The following PAX7 variants were observed in gnomAD, a reference collection of about 807,000 sequenced individuals.
PAX7 encodes paired box 7.
PAX7 carries 18 observed loss-of-function variants against 50.7 expected under a neutral mutation model. The ratio of observed to expected loss-of-function variants is 0.36; its 90% CI spans 0.25 to 0.53. The LOEUF is 0.53. PAX7 is among the 20% of genes least tolerant of loss of function. The pLI is 0.93. For missense variants in PAX7, 644 were observed against 702.9 expected (o/e 0.92, Z 0.95); for synonymous variants, 310 against 290.4 (o/e 1.07, Z -0.69).
At chr1:18,644,194 C>A (rs2088303913) in intron 4 of PAX7, among the ~76,000 whole-genome samples, 1 of 152,198 alleles carries the variant, frequency 6.6e-6, no homozygotes, top group Non-Finnish European at 1.5e-5. Context: ...CACCCACCAG[C>A]CCCCCGCGGC....
rs960571292 is a variant in PAX7 at position 18,748,089 on chromosome 1, G to C, written c.*3160G>C. 14 of 214,072 alleles carry C rather than the reference G, an allele frequency of 6.5e-5. No individual in the cohort carries two copies. Among genetic ancestry groups the C allele is most frequent in the Non-Finnish European group, 1.1e-4 (12 of 106,146 alleles). 13.3% of individuals were successfully genotyped at this position (214,072 alleles called of 1,614,324 possible). A position where few individuals can be genotyped will look rare whatever the true frequency, so the allele number is the denominator to read the frequency against. On this transcript the variant is annotated 3_prime_UTR_variant, in exon 9 of 9. Transcript: ENST00000420770. ...TTCTTTTGCCAGAGGAACATCAAAG[G>C]GCAGAGCAAACAGAGAACTAGGGGG...
At chr1:18,718,113 C>T (rs1440260170) in intron 7 of PAX7, among the ~76,000 whole-genome samples, 1 of 152,196 alleles carries the variant, frequency 6.6e-6, no homozygotes, top group African/African-American at 2.4e-5. Flanking sequence ...ACCTGAACCT[C>T]CATGGGGGTG....
chr1:18,646,775 ACCGACGG>A (rs2088346862), intron 4 of PAX7, among the ~76,000 whole-genome samples: 1 of 151,078 alleles, frequency 6.6e-6, no homozygotes, highest in Non-Finnish European at 1.5e-5. Flanking sequence ...TTTCATTTCC[ACCGACGG>A]CCGCGGGGGA....
intron 8 of PAX7, among the ~76,000 whole-genome samples, chr1:18,742,530 C>A (rs1931205088): frequency 6.6e-6 from 1 of 152,122 alleles, no homozygotes. Context: ...TTGGTGTGGC[C>A]AGGGCTACAG....
chr1:18,655,982 G>A (rs866425163), intron 4 of PAX7, among the ~76,000 whole-genome samples: 4 of 152,090 alleles, frequency 2.6e-5, no homozygotes, highest in South Asian at 2.1e-4. Context: ...AGCTGGAATC[G>A]GCCTTTACCC....
At chr1:18,652,250 G>A (rs1430375467) in intron 4 of PAX7, among the ~76,000 whole-genome samples, 4 of 142,448 alleles carry the variant, frequency 2.8e-5, no homozygotes, top group Admixed American at 7.0e-5. Context: ...TCTCTTCCCC[G>A]CCCCCCCATT....
intron 7 of PAX7, among the ~76,000 whole-genome samples, chr1:18,730,119 A>G (rs1395773393): frequency 1.3e-5 from 2 of 152,142 alleles, no homozygotes; most frequent in African/African-American, 4.8e-5. Flanking sequence ...GGAACTAACA[A>G]TGCACCAGGC....
chr1:18,688,187 G>GCT (rs759354327), intron 4 of PAX7, among the ~76,000 whole-genome samples: 35 of 152,290 alleles, frequency 2.3e-4, no homozygotes, highest in African/African-American at 5.1e-4. Flanking sequence ...GGATACTAAT[G>GCT]CTCTTATAAA....
At chr1:18,641,510 T>G (rs892443661) in intron 4 of PAX7, among the ~76,000 whole-genome samples, 1 of 152,036 alleles carries the variant, frequency 6.6e-6, no homozygotes, top group Admixed American at 6.5e-5. Context: ...CTGAACCGGG[T>G]GGGGTCCCCC....
Position 18,691,822 on chromosome 1 carries a change from C to T in PAX7, c.655C>T (p.Arg219Cys), listed in dbSNP as rs2089074781. Residue 219 changes from arginine to cysteine, a missense_variant, in exon 5 of 9, where the codon CGC (arginine) becomes TGC (cysteine). Arg to Cys is a radical substitution (Grantham distance 180, BLOSUM62 -3). Coordinates refer to ENST00000420770, the MANE Select transcript of PAX7 (RefSeq NM_001135254.2). Reference protein sequence around the residue: ...PDLPLKRKQRRSRTTFTAEQL... With the variant: ...PDLPLKRKQRCSRTTFTAEQL... ...CCTCCCACTGAAGCGCAAGCAGCGA[C>T]GCAGTCGGACCACATTCACGGCCGA... The T allele has an allele frequency of 5.0e-6, 8 of 1,612,466 alleles. No individual in the cohort carries two copies. Among genetic ancestry groups the T allele is most frequent in the African/African-American group, 1.3e-5 (1 of 75,046 alleles).
At chr1:18,708,098 T>TG (rs2089306900) in intron 7 of PAX7, among the ~76,000 whole-genome samples, 1 of 152,084 alleles carries the variant, frequency 6.6e-6, no homozygotes, top group Non-Finnish European at 1.5e-5. Flanking sequence ...CTTTGTGCAC[T>TG]GGGTCCTTCT....
At chr1:18,692,607 G>C (rs1288116837) in intron 5 of PAX7, among the ~76,000 whole-genome samples, 6 of 152,196 alleles carry the variant, frequency 3.9e-5, no homozygotes, top group Non-Finnish European at 7.3e-5. Flanking sequence ...AGAGGGTTTG[G>C]GGAGTATAAG....
At chr1:18,703,423 T>A in intron 7 of PAX7, 127 bp downstream of exon 7, 2 of 817,166 alleles carry the variant, frequency 2.4e-6, no homozygotes, top group South Asian at 1.6e-5. Context: ...GTTTTTGTTC[T>A]AGAATCAGGA....
intron 4 of PAX7, among the ~76,000 whole-genome samples, chr1:18,662,664 G>A (rs2100481732): frequency 6.6e-6 from 1 of 152,256 alleles, no homozygotes; most frequent in South Asian, 2.1e-4. Flanking sequence ...TCCGCCTCCT[G>A]AGTTCAACCA....
intron 1 of PAX7, among the ~76,000 whole-genome samples, chr1:18,633,397 C>T (rs868721102): frequency 6.6e-6 from 1 of 152,320 alleles, no homozygotes; most frequent in East Asian, 1.9e-4. Flanking sequence ...GGCAACCAGG[C>T]GTTCTCCCCT....
intron 4 of PAX7, among the ~76,000 whole-genome samples, chr1:18,640,688 G>T (rs1418906342): frequency 6.6e-6 from 1 of 152,174 alleles, no homozygotes; most frequent in Non-Finnish European, 1.5e-5. Flanking sequence ...GGGATTTGAA[G>T]CTGTTCAGAG....
intron 7 of PAX7, 40 bp downstream of exon 7, chr1:18,703,336 C>T (rs765039913): frequency 3.2e-6 from 5 of 1,575,742 alleles, no homozygotes; most frequent in Middle Eastern, 1.7e-4. Context: ...CCCACCGCCA[C>T]GAAAGTCAGA....
At position 18,642,419 on chromosome 1, in the gene PAX7, G is replaced by A. The variant is rs1451819900; in HGVS notation, c.586+6048G>A. Among the ~76,000 whole-genome samples, 3 of 152,212 alleles carry A rather than the reference G, an allele frequency of 2.0e-5. No homozygotes were observed. In the East Asian group the frequency reaches 5.8e-4, roughly 29 times the overall value. ...TGGTTGAGGGAAGGGTTCCTGCACA[G>A]AGGAGAGACCCCCAAAGAAAGGTTC... On this transcript the variant is annotated intron_variant, in intron 4 of 8. Transcript: ENST00000420770.
At position 18,735,539 on chromosome 1, in the gene PAX7, A is replaced by G; in HGVS notation, c.1156-93A>G. On this transcript the variant is annotated intron_variant, in intron 7 of 8. Transcript: ENST00000420770. The surrounding 1 kb of genome is among the most constrained non-coding windows in gnomAD (Gnocchi z 4.0). ...CTTCAAGGGAACAACTCTGGCAAAG[A>G]GTGTTCCAGGGCCAGCCTGGCATTG... The G allele has an allele frequency of 2.0e-6, 3 of 1,530,564 alleles. No homozygotes were observed. The allele number at this position is 1,530,564 out of a possible 1,614,324, so 94.8% of individuals were successfully genotyped here. A position where few individuals can be genotyped will look rare whatever the true frequency, so the allele number is the denominator to read the frequency against.
Sources: allele counts gnomAD v4.1 joint callset (sites outside exome capture counted in the v4.1 genomes callset), GRCh38; gene constraint gnomAD v4.1.1; non-coding constraint Gnocchi (gnomAD v3.1); transcripts MANE v1.5; gene names NCBI Gene and HGNC (gene_info 2026-07-23, HGNC 2026-07-21).